Variants in GNB1L observed in about 807,000 individuals in gnomAD.
The protein encoded by GNB1L is G protein subunit beta 1 like.
A neutral mutation model predicts 29.1 loss-of-function variants in GNB1L; 20 were observed. The ratio of observed to expected loss-of-function variants is 0.69; its 90% confidence interval spans 0.48 to 1.00. The LOEUF (loss-of-function observed/expected upper bound fraction) is 1.00. GNB1L is among the 50% of genes least tolerant of loss of function. The pLI, the probability that GNB1L is intolerant of heterozygous loss-of-function variation, is 0.00. For synonymous variants in GNB1L, 193 were observed against 206.5 expected (o/e 0.93, Z 0.56); for missense variants, 421 against 464.9 (o/e 0.91, Z 0.87).
chr22:19,848,109 C>A, intron 2 of GNB1L: 2 of 984,744 alleles, frequency 2.0e-6, no homozygotes, highest in Non-Finnish European at 2.4e-6. Flanking sequence ...TCCAATATCC[C>A]ATAGGACCTT....
chr22:19,850,518 G>A (rs1453740651), intron 2 of GNB1L: 3 of 1,066,330 alleles, frequency 2.8e-6, no homozygotes, highest in South Asian at 9.1e-5. Context: ...AGCCTGGCAA[G>A]GGGCTTGCAT....
intron 2 of GNB1L, among the ~76,000 whole-genome samples, chr22:19,833,197 G>A (rs1195764277): frequency 6.6e-6 from 1 of 152,222 alleles, no homozygotes; most frequent in African/African-American, 2.4e-5. Context: ...TGCCAACCTT[G>A]AGAAGATTCA....
At chr22:19,801,588 T>A (rs1229587810) in intron 7 of GNB1L, among the ~76,000 whole-genome samples, 2 of 151,660 alleles carry the variant, frequency 1.3e-5, no homozygotes, top group African/African-American at 4.9e-5. Context: ...CCGTGAGCAA[T>A]GGCCTCCCTC....
At chr22:19,817,799 G>A (rs1012059595) in intron 4 of GNB1L, among the ~76,000 whole-genome samples, 1 of 152,178 alleles carries the variant, frequency 6.6e-6, no homozygotes, top group Non-Finnish European at 1.5e-5. Flanking sequence ...TGACTGGAAG[G>A]TGGTTGCTCA....
At chr22:19,819,501 C>T (rs1019145377) in intron 4 of GNB1L, among the ~76,000 whole-genome samples, 3 of 152,186 alleles carry the variant, frequency 2.0e-5, no homozygotes, top group African/African-American at 7.2e-5. Flanking sequence ...ACACAGCCAT[C>T]GCCATACGTT....
chr22:19,832,579 G>T (rs981563933), intron 2 of GNB1L, among the ~76,000 whole-genome samples: 1 of 152,142 alleles, frequency 6.6e-6, no homozygotes, highest in African/African-American at 2.4e-5. Flanking sequence ...AAAAAGGTGC[G>T]CTACGGCCCC....
intron 7 of GNB1L, chr22:19,792,973 A>G: frequency 6.7e-7 from 1 of 1,482,546 alleles, no homozygotes; most frequent in Non-Finnish European, 9.3e-7. Flanking sequence ...ACCAATTACA[A>G]TGACAGATAC....
At chr22:19,824,621 AC>A (rs1937604978) in intron 2 of GNB1L, among the ~76,000 whole-genome samples, 1 of 152,244 alleles carries the variant, frequency 6.6e-6, no homozygotes, top group Admixed American at 6.5e-5. Flanking sequence ...CCTGCAATGC[AC>A]CACCGCGGAG....
intron 2 of GNB1L, among the ~76,000 whole-genome samples, chr22:19,841,259 T>A (rs1474091230): frequency 6.6e-6 from 1 of 152,242 alleles, no homozygotes. Context: ...GGCCACAGTC[T>A]CACAGGTTAT....
chr22:19,798,903 A>G (rs1330081502), intron 7 of GNB1L, among the ~76,000 whole-genome samples: 1 of 152,128 alleles, frequency 6.6e-6, no homozygotes, highest in Non-Finnish European at 1.5e-5. Context: ...GCCCTGCACT[A>G]CCGTGCTCCT....
chr22:19,847,549 T>A (rs370389687), intron 2 of GNB1L: 6 of 985,172 alleles, frequency 6.1e-6, no homozygotes, highest in East Asian at 2.3e-4. Flanking sequence ...GACCCTCAGC[T>A]CATGCGGGGA....
chr22:19,825,844 G>C (rs1025402008), intron 2 of GNB1L, among the ~76,000 whole-genome samples: 6 of 151,944 alleles, frequency 3.9e-5, no homozygotes, highest in Non-Finnish European at 8.8e-5. Flanking sequence ...TGTAAGTCCA[G>C]CTACTCAGGA....
rs962321397 is a variant in GNB1L at position 19,787,454 on chromosome 22, C to G, written c.*1255G>C. ...ACCTGGATCCCACACCCTTCCGATCCGTCCCACACATGTTCAGATTTCTGC... is the reference window on the plus strand; with the variant it reads ...ACCTGGATCCCACACCCTTCCGATCGGTCCCACACATGTTCAGATTTCTGC... On this transcript the variant is annotated 3_prime_UTR_variant, in exon 8 of 8. Coordinates refer to ENST00000329517, the MANE Select transcript of GNB1L (RefSeq NM_053004.3). 6.6e-6 allele frequency: 1 copy of G among 152,510 alleles called. No individual in the cohort carries two copies. Among genetic ancestry groups the G allele is most frequent in the Non-Finnish European group, 1.5e-5 (1 of 68,226 alleles). 9.4% of individuals were successfully genotyped at this position (152,510 alleles called of 1,614,324 possible). A position where few individuals can be genotyped will look rare whatever the true frequency, so the allele number is the denominator to read the frequency against.
chr22:19,813,962 C>G (rs1601332027), intron 4 of GNB1L, among the ~76,000 whole-genome samples: 1 of 152,038 alleles, frequency 6.6e-6, no homozygotes, highest in East Asian at 1.9e-4. Context: ...AGTGACTGTG[C>G]TCCAGGAGAC....
chr22:19,788,291 G>A lies in GNB1L; in HGVS notation c.*418C>T, dbSNP rs1937209711. ...CTGGCCCAGGAAACCCACACTCGGG[G>A]TGGCCCATTCAACAGCAGGTGTGAG... On this transcript the variant is annotated 3_prime_UTR_variant, in exon 8 of 8. Coordinates refer to ENST00000329517, the MANE Select transcript of GNB1L (RefSeq NM_053004.3). 2.0e-6 allele frequency: 1 copy of A among 488,568 alleles called. No individual in the cohort carries two copies. The highest frequency in any genetic ancestry group is 1.9e-5 in the African/African-American group (1 of 51,670). 30.3% of individuals were successfully genotyped at this position (488,568 alleles called of 1,614,324 possible).
At chr22:19,793,459 A>T (rs904055693) in intron 7 of GNB1L, among the ~76,000 whole-genome samples, 9 of 152,216 alleles carry the variant, frequency 5.9e-5, no homozygotes, top group African/African-American at 2.2e-4. Flanking sequence ...ATGCTATCAA[A>T]CTGTGTAACT....
chr22:19,842,220 A>G (rs973114774), intron 2 of GNB1L, among the ~76,000 whole-genome samples: 1 of 152,224 alleles, frequency 6.6e-6, no homozygotes, highest in African/African-American at 2.4e-5. Context: ...TGATCTCCCA[A>G]AAAGCCTCAC....
intron 7 of GNB1L, among the ~76,000 whole-genome samples, chr22:19,795,673 C>T (rs1937298397): frequency 6.6e-6 from 1 of 152,208 alleles, no homozygotes; most frequent in South Asian, 2.1e-4. Flanking sequence ...GAGAAAATCA[C>T]AATATTCTGA....
At chr22:19,802,273 C>T (rs530248368) in intron 6 of GNB1L, 57 bp from the exon 7 acceptor site, 17 of 1,435,874 alleles carry the variant, frequency 1.2e-5, no homozygotes, top group African/African-American at 1.4e-5. Flanking sequence ...CAGTGAGTTT[C>T]GGGGGAGAAG....
Sources: allele counts gnomAD v4.1 joint callset (sites outside exome capture counted in the v4.1 genomes callset), GRCh38; gene constraint gnomAD v4.1.1; transcripts MANE v1.5; gene names NCBI Gene and HGNC (gene_info 2026-07-23, HGNC 2026-07-21).